Variants in AMPD2 observed in about 807,000 individuals in gnomAD.
AMPD2 encodes the protein AMP deaminase 2.
Under a neutral mutation model 91.3 loss-of-function variants are expected in AMPD2, and 52 were observed. The observed-to-expected ratio is 0.57, with a 90% CI of 0.46 to 0.72. AMPD2 has a LOEUF of 0.72. AMPD2 is among the 30% of genes least tolerant of loss of function. AMPD2 has a pLI of 0.00. For synonymous variants in AMPD2, 455 were observed against 456.4 expected (o/e 1.00, Z 0.04); for missense variants, 822 against 1,122.3 (o/e 0.73, Z 3.82).
chr1:109,623,446 A>G (rs1650412118), intron 2 of AMPD2, among the ~76,000 whole-genome samples: 1 of 152,188 alleles, frequency 6.6e-6, no homozygotes, highest in African/African-American at 2.4e-5. Context: ...GGGCCTGCGA[A>G]CCAGCCCCCT....
Position 109,631,441 on chromosome 1 carries a change from C to T in AMPD2, c.*289C>T. On this transcript the variant is annotated 3_prime_UTR_variant, in exon 19 of 19. Coordinates refer to ENST00000528667, the MANE Select transcript of AMPD2 (RefSeq NM_001368809.2). ...AAGCCTGACTGTCCTATGGGCTTCTCCAGTGTCCACAGGGGCTTGGGATGG... is the reference window on the plus strand; with the variant it reads ...AAGCCTGACTGTCCTATGGGCTTCTTCAGTGTCCACAGGGGCTTGGGATGG... The T allele has an allele frequency of 2.0e-6, 1 of 509,806 alleles. No homozygotes were observed. The highest frequency in any genetic ancestry group is 3.6e-6 in the Non-Finnish European group (1 of 281,018). The allele number at this position is 509,806 out of a possible 1,614,324, so 31.6% of individuals were successfully genotyped here.
At chr1:109,620,475 C>G in intron 1 of AMPD2, 197 bp downstream of exon 1, 1 of 1,152,512 alleles carries the variant, frequency 8.7e-7, no homozygotes, top group Non-Finnish European at 1.1e-6. Context: ...GGTCTCTGTC[C>G]CAGACCCCCA....
At position 109,624,415 on chromosome 1, in the gene AMPD2, G is replaced by A. The variant is rs1380523983; in HGVS notation, c.92-888G>A. On this transcript the variant is annotated intron_variant, in intron 2 of 18. Transcript: ENST00000528667. This position sits in a 1 kb window ranked among gnomAD's most constrained non-coding sequence, Gnocchi z 5.2. ...CCTTGGCAGCCCCCATAGACCAGCA[G>A]CTTCACGGCCCTCTGGTGCCAGCCT... 6.6e-6 allele frequency among the ~76,000 whole-genome samples: 1 copy of A among 152,182 alleles called. No homozygotes were observed. The highest frequency in any genetic ancestry group is 1.5e-5 in the Non-Finnish European group (1 of 68,012).
Position 109,625,382 on chromosome 1 carries a change from C to T in AMPD2, c.171C>T (p.Phe57=). The T allele has an allele frequency of 1.9e-6, 3 of 1,613,996 alleles. No individual in the cohort carries two copies. Among genetic ancestry groups the T allele is most frequent in the Non-Finnish European group, 2.5e-6 (3 of 1,180,000 alleles). Reference sequence around the variant, plus strand: ...GCCCCGCCCCCTGCCTCAAGCACTTCCCGCTCGACCTGCGCACGTCTATGG... The same window carrying T: ...GCCCCGCCCCCTGCCTCAAGCACTTTCCGCTCGACCTGCGCACGTCTATGG... ...LPGPAPCLKH[F]PLDLRTSMDG... The change falls in exon 3 of 19, where the codon TTC becomes TTT. Residue 57 remains phenylalanine, a synonymous_variant. Transcript: ENST00000528667. The surrounding 1 kb of genome is among the most constrained non-coding windows in gnomAD (Gnocchi z 4.0).
At position 109,631,121 on chromosome 1, in the gene AMPD2, C is replaced by T. The variant is rs1477098445; in HGVS notation, c.2447C>T (p.Ala816Val). 1.3e-6 allele frequency: 2 copies of T among 1,597,436 alleles called. No homozygotes were observed. The highest frequency in any genetic ancestry group is 1.8e-5 in the Admixed American group (1 of 56,334). Residue 816 changes from alanine (A) to valine (V), a missense_variant, in exon 19 of 19, where the codon GCG becomes GTG. Ala to Val is a moderately conservative substitution (Grantham distance 64). Transcript: ENST00000528667. Reference sequence around the variant, plus strand: ...ATGCTGGAGACCATTCCAGAGGAGGCGGGTATCACCATGAGCCCAGGGCCT... The same window carrying T: ...ATGCTGGAGACCATTCCAGAGGAGGTGGGTATCACCATGAGCCCAGGGCCT... ...SEMLETIPEE[A>V]GITMSPGPQ is the part of the protein sequence containing the mutation.
chr1:109,619,947 T>G lies in AMPD2; in HGVS notation c.-594T>G. 2.5e-6 allele frequency: 1 copy of G among 402,292 alleles called. No homozygotes were observed. The highest frequency in any genetic ancestry group is 4.7e-6 in the Non-Finnish European group (1 of 212,806). 24.9% of individuals were successfully genotyped at this position (402,292 alleles called of 1,614,324 possible). On this transcript the variant is annotated 5_prime_UTR_variant, in exon 1 of 19. Transcript: ENST00000528667. Reference sequence around the variant, plus strand: ...AGTCCGACCCTGAATGCCCAGGGAGTGTTGAGAGAAATCTGGACGAGTTTC... The same window carrying G: ...AGTCCGACCCTGAATGCCCAGGGAGGGTTGAGAGAAATCTGGACGAGTTTC...
rs977332227 is a variant in AMPD2 at position 109,627,983 on chromosome 1, C to T, written c.1080+80C>T. ...CCTCCCCTTCAAGGGCCAGGCCCCC[C>T]ACACAGCATCCAGTACAGAGGGTCC... On this transcript the variant is annotated intron_variant, in intron 10 of 18. Transcript: ENST00000528667. The T allele has an allele frequency of 1.8e-5, 29 of 1,604,616 alleles. No homozygotes were observed. In the Admixed American group the frequency reaches 3.4e-4, roughly 19 times the overall value.
In AMPD2 at chr1:109,629,883, T is replaced by A; in HGVS notation, c.1950T>A (p.Ala650=). ...ACCTGGTGTCAGCCTTCATGCTGGC[T>A]GAGAACATTTCCCACGGGCTCCTTC... ...IHHLVSAFML[A]ENISHGLLLR... is the part of the protein sequence containing the mutation. The change falls in exon 16 of 19, where the codon GCT becomes GCA. Residue 650 remains alanine, a synonymous_variant. Coordinates refer to ENST00000528667, the MANE Select transcript of AMPD2 (RefSeq NM_001368809.2). 1 of 1,612,246 alleles carries A rather than the reference T, an allele frequency of 6.2e-7. No individual in the cohort carries two copies. Among genetic ancestry groups the A allele is most frequent in the East Asian group, 2.2e-5 (1 of 44,842 alleles).
In AMPD2 at chr1:109,621,203, A is replaced by G. The variant is rs1321566767; in HGVS notation, c.28A>G (p.Lys10Glu). The change falls in exon 2 of 19, where the codon AAG (lysine) becomes GAG (glutamate). Residue 10 changes from lysine to glutamate, a missense_variant. Physicochemically the swap from Lys to Glu is moderately conservative, Grantham distance 56. This residue lies in a region of AMPD2 where 105 missense variants were observed against 125.0 expected (regional missense o/e 0.84). Coordinates refer to ENST00000528667, the MANE Select transcript of AMPD2 (RefSeq NM_001368809.2). MASYPSGSG[K>E]PKAKYPFKKR... The stretch of plus-strand genomic sequence containing the variant: ...GGCATCCTATCCATCTGGCTCTGGC[A>G]AGCCCAAGGCCAAATATCCCTTTAA... The G allele has an allele frequency of 6.2e-7, 1 of 1,609,426 alleles. No individual in the cohort carries two copies. The highest frequency in any genetic ancestry group is 1.7e-5 in the Admixed American group (1 of 59,550).
Position 109,621,043 on chromosome 1 carries a change from C to T in AMPD2, c.-133C>T. The T allele has an allele frequency of 2.5e-6, 4 of 1,603,122 alleles. No homozygotes were observed. The highest frequency in any genetic ancestry group is 3.4e-6 in the Non-Finnish European group (4 of 1,175,184). On this transcript the variant is annotated 5_prime_UTR_variant, in exon 2 of 19. Coordinates refer to ENST00000528667, the MANE Select transcript of AMPD2 (RefSeq NM_001368809.2). ...GAAATCGTGGCCAGGGCCTCTTCCG[C>T]CTGCGGAGCCGCTGCTTCCTGCATC...
Position 109,621,151 on chromosome 1 carries a change from C to T in AMPD2, c.-25C>T, listed in dbSNP as rs1402065626. The T allele has an allele frequency of 2.5e-6, 4 of 1,596,424 alleles. No individual in the cohort carries two copies. Among genetic ancestry groups the T allele is most frequent in the Non-Finnish European group, 3.4e-6 (4 of 1,170,906 alleles). ...CCAGCCGGTGCCGCTCAGACTCCCC[C>T]GCTGTCGCCGCCGTGGTCCCAGCCA... On this transcript the variant is annotated 5_prime_UTR_variant, in exon 2 of 19. Transcript: ENST00000528667.
At chr1:109,621,896 C>T (rs1650305418) in intron 2 of AMPD2, among the ~76,000 whole-genome samples, 1 of 152,246 alleles carries the variant, frequency 6.6e-6, no homozygotes. Flanking sequence ...CTGCTGCCCG[C>T]ACTGTGTGTG....
chr1:109,630,291 T>A lies in AMPD2; in HGVS notation c.2042T>A (p.Leu681His). The A allele has an allele frequency of 6.2e-7, 1 of 1,613,800 alleles. No individual in the cohort carries two copies. Among genetic ancestry groups the A allele is most frequent in the Non-Finnish European group, 8.5e-7 (1 of 1,179,994 alleles). ...LAQIGIAMSP[L>H]SNNSLFLSYH... is the part of the protein sequence containing the mutation. ...CAGATCGGCATCGCCATGTCTCCGC[T>A]CAGCAACAACAGCCTCTTCCTCAGC... The change falls in exon 17 of 19, where the codon CTC becomes CAC. Residue 681 changes from leucine to histidine, a missense_variant. Physicochemically the swap from Leu to His is moderately conservative, Grantham distance 99 (BLOSUM62 -3). Transcript: ENST00000528667.
rs936999531 is a variant in AMPD2 at position 109,620,416 on chromosome 1, G to C, written c.-263+138G>C. On this transcript the variant is annotated intron_variant, in intron 1 of 18. Coordinates refer to ENST00000528667, the MANE Select transcript of AMPD2 (RefSeq NM_001368809.2). Reference sequence around the variant, plus strand: ...TCAGCTCCTCCCAGGAGGGCCTGGGGAGCAGAGCCAGAGTGTGCAGAGACA... The same window carrying C: ...TCAGCTCCTCCCAGGAGGGCCTGGGCAGCAGAGCCAGAGTGTGCAGAGACA... 8 of 1,399,732 alleles carry C rather than the reference G, an allele frequency of 5.7e-6. No individual in the cohort carries two copies. In the African/African-American group the frequency reaches 1.0e-4, roughly 17 times the overall value. The allele number at this position is 1,399,732 out of a possible 1,614,324, so 86.7% of individuals were successfully genotyped here. A position where few individuals can be genotyped will look rare whatever the true frequency, so the allele number is the denominator to read the frequency against.
At position 109,626,832 on chromosome 1, in the gene AMPD2, G is replaced by A. The variant is rs764075553; in HGVS notation, c.638G>A (p.Arg213His). 26 of 1,613,694 alleles carry A rather than the reference G, an allele frequency of 1.6e-5. No homozygotes were observed. The highest frequency in any genetic ancestry group is 1.3e-4 in the Admixed American group (8 of 59,988). Residue 213 changes from arginine (R) to histidine (H), a missense_variant, in exon 7 of 19, where the codon CGC becomes CAC. By Grantham distance (29) the Arg-to-His change is conservative. Transcript: ENST00000528667. ...LSLQSFCPTT[R>H]RYLQQLAEKP... ...CTGCAGAGCTTCTGCCCCACCACCC[G>A]CCGCTACCTGCAGCAGCTGGCTGAA...
intron 1 of AMPD2, chr1:109,620,671 G>C (rs1650170087): frequency 8.3e-7 from 1 of 1,198,712 alleles, no homozygotes; most frequent in Admixed American, 4.1e-5. Flanking sequence ...GGGTTTTCAC[G>C]GAGTATGCCT....
chr1:109,623,972 C>T, intron 2 of AMPD2: 1 of 985,062 alleles, frequency 1.0e-6, no homozygotes, highest in Non-Finnish European at 1.2e-6. Flanking sequence ...GTCTCCCCTG[C>T]TTGCAGCTGC....
rs745554905 is a variant in AMPD2 at position 109,630,681 on chromosome 1, A to T, written c.2158-2A>T. On this transcript the variant is annotated splice_acceptor_variant, in intron 17 of 18. Transcript: ENST00000528667. LOFTEE classifies it high-confidence loss of function. Reference sequence around the variant, plus strand: ...TCGTCTGAGGGAACCTGGCCCGTGCAGGAGCCGCTGATGGAGGAGTACAGC... The same window carrying T: ...TCGTCTGAGGGAACCTGGCCCGTGCTGGAGCCGCTGATGGAGGAGTACAGC... 1.2e-6 allele frequency: 2 copies of T among 1,609,262 alleles called. No homozygotes were observed. Among genetic ancestry groups the T allele is most frequent in the South Asian group, 2.2e-5 (2 of 90,204 alleles).
At chr1:109,622,714 C>G (rs1014377101) in intron 2 of AMPD2, among the ~76,000 whole-genome samples, 2 of 152,042 alleles carry the variant, frequency 1.3e-5, no homozygotes, top group South Asian at 2.1e-4. Context: ...TGGAATCTGT[C>G]CTGCTCACCC....
Sources: gnomAD v4.1 joint callset for allele counts (sites outside exome capture counted in the v4.1 genomes callset) on GRCh38, gnomAD v4.1.1 for gene constraint, gnomAD v4.1.1 regional missense constraint, Gnocchi (gnomAD v3.1) non-coding constraint, MANE v1.5 for transcripts, NCBI Gene and HGNC (gene_info 2026-07-23, HGNC 2026-07-21) for gene names.